The following PRKN variants were observed in gnomAD, a reference collection of about 807,000 sequenced individuals.
PRKN encodes the protein E3 ubiquitin-protein ligase parkin.
In PRKN, 56 loss-of-function variants were observed where a neutral mutation model predicts 59.5. The observed-to-expected ratio is 0.94, with a 90% CI of 0.76 to 1.18. The LOEUF (loss-of-function observed/expected upper bound fraction) is 1.18. Ranked by LOEUF, PRKN falls within the 50% of genes most tolerant of loss-of-function variation. PRKN has a pLI of 0.00. For missense variants in PRKN, 657 were observed against 596.4 expected (o/e 1.10, Z -1.06); for synonymous variants, 250 against 222.1 (o/e 1.13, Z -1.12).
chr6:162,320,763 T>C (rs1182767063), intron 2 of PRKN, among the ~76,000 whole-genome samples: 1 of 151,552 alleles, frequency 6.6e-6, no homozygotes, highest in Non-Finnish European at 1.5e-5. Context: ...TTATGAAATA[T>C]TGAAAAAATG....
intron 3 of PRKN, among the ~76,000 whole-genome samples, chr6:162,226,538 TTG>T (rs1023777269): frequency 1.3e-5 from 2 of 152,016 alleles, no homozygotes; most frequent in African/African-American, 4.8e-5. Flanking sequence ...TTTTGTTTGT[TTG>T]TTTGTTTGTT....
At position 161,502,866 on chromosome 6, in the gene PRKN, C is replaced by A. The variant is rs1778013150; in HGVS notation, c.1083+45988G>T. ...GCTCTGGATTAAAAACCTGACTCCA[C>A]AGCTTAGTAGGTGCGTAACCCTGGG... On this transcript the variant is annotated intron_variant, in intron 9 of 11. Coordinates refer to ENST00000366898, the MANE Select transcript of PRKN (RefSeq NM_004562.3). This position sits in a 1 kb window ranked among gnomAD's most constrained non-coding sequence, Gnocchi z 4.0. Among the ~76,000 whole-genome samples the A allele has an allele frequency of 6.6e-6, 1 of 152,156 alleles. No individual in the cohort carries two copies. The highest frequency in any genetic ancestry group is 2.1e-4 in the South Asian group (1 of 4,820).
intron 7 of PRKN, among the ~76,000 whole-genome samples, chr6:161,634,482 T>A (rs754982963): frequency 6.6e-6 from 1 of 152,228 alleles, no homozygotes; most frequent in South Asian, 2.1e-4. Context: ...GCTAAGCAAC[T>A]TGCTGCAGGT....
At chr6:162,099,806 A>G (rs1052703208) in intron 4 of PRKN, among the ~76,000 whole-genome samples, 7 of 152,218 alleles carry the variant, frequency 4.6e-5, no homozygotes, top group Non-Finnish European at 4.4e-5. Flanking sequence ...GTGATTTTCA[A>G]GAATGTAATA....
chr6:161,591,794 TA>T (rs1357948814), intron 7 of PRKN, among the ~76,000 whole-genome samples: 1 of 152,248 alleles, frequency 6.6e-6, no homozygotes, highest in Non-Finnish European at 1.5e-5. Flanking sequence ...TAAGATATTC[TA>T]ATGGAGAACA....
intron 9 of PRKN, among the ~76,000 whole-genome samples, chr6:161,540,052 G>A (rs1056862188): frequency 6.6e-6 from 1 of 152,114 alleles, no homozygotes; most frequent in African/African-American, 2.4e-5. Flanking sequence ...GGGGGTTGGG[G>A]AGATGCAAGC....
At chr6:161,988,303 GT>G in intron 5 of PRKN, among the ~76,000 whole-genome samples, 1 of 152,024 alleles carries the variant, frequency 6.6e-6, no homozygotes, top group East Asian at 1.9e-4. Context: ...CCTGGCCAAC[GT>G]GGTGAAAACC....
chr6:161,905,928 TA>T (rs750946937), intron 6 of PRKN, among the ~76,000 whole-genome samples: 1,550 of 104,996 alleles, frequency 0.015, 12 homozygotes, highest in Middle Eastern at 0.055. Context: ...CCACTGCATC[TA>T]AAAAAAAAAA....
chr6:162,627,986 C>A (rs1782962212), intron 1 of PRKN, among the ~76,000 whole-genome samples: 1 of 151,996 alleles, frequency 6.6e-6, no homozygotes, highest in African/African-American at 2.4e-5. Flanking sequence ...GTGATAGAGC[C>A]AATGAACATG....
chr6:161,579,204 G>A lies in PRKN; in HGVS notation c.872-9788C>T, dbSNP rs1781246962. Among the ~76,000 whole-genome samples the A allele has an allele frequency of 6.6e-6, 1 of 152,204 alleles. No individual in the cohort carries two copies. Among genetic ancestry groups the A allele is most frequent in the African/African-American group, 2.4e-5 (1 of 41,446 alleles). On this transcript the variant is annotated intron_variant, in intron 7 of 11. Transcript: ENST00000366898. This position sits in a 1 kb window ranked among gnomAD's most constrained non-coding sequence, Gnocchi z 4.2. ...ATATGTTTTTCCACAGATTATGGTGGTTGGTTGGTTACCTGAGTGAAAATG... is the reference window on the plus strand; with the variant it reads ...ATATGTTTTTCCACAGATTATGGTGATTGGTTGGTTACCTGAGTGAAAATG...
intron 4 of PRKN, among the ~76,000 whole-genome samples, chr6:162,122,049 C>T (rs1780936605): frequency 6.6e-6 from 1 of 152,164 alleles, no homozygotes; most frequent in Admixed American, 6.5e-5. Context: ...ATCCTCAAAA[C>T]TGAGTCTCCA....
At chr6:161,841,415 T>C (rs1310076787) in intron 6 of PRKN, among the ~76,000 whole-genome samples, 3 of 151,670 alleles carry the variant, frequency 2.0e-5, no homozygotes, top group Non-Finnish European at 4.4e-5. Context: ...ACTGGCGTAA[T>C]CTCTGCTCAC....
chr6:161,741,531 G>A (rs555858865), intron 7 of PRKN, among the ~76,000 whole-genome samples: 52 of 152,242 alleles, frequency 3.4e-4, no homozygotes, highest in African/African-American at 1.1e-3. Context: ...GGGGGCCTCT[G>A]TCTTTCCAGA....
Position 161,444,894 on chromosome 6 carries a change from ATAGT to A in PRKN, c.1084-58021_1084-58018del, listed in dbSNP as rs1467359960. ...TATTCCTGTTTTGCTAAGGTATGTA[ATAGT>A]TATTTATTTTTAAAAAAAGCCAGTA... On this transcript the variant is annotated intron_variant, in intron 9 of 11. Coordinates refer to ENST00000366898, the MANE Select transcript of PRKN (RefSeq NM_004562.3). The surrounding 1 kb of genome is among the most constrained non-coding windows in gnomAD (Gnocchi z 5.6). Among the ~76,000 whole-genome samples, 8 of 151,990 alleles carry A rather than the reference ATAGT, an allele frequency of 5.3e-5. No homozygotes were observed. Among genetic ancestry groups the A allele is most frequent in the Non-Finnish European group, 1.5e-5 (1 of 68,020 alleles).
chr6:162,430,173 CGAT>C (rs147505180), intron 2 of PRKN, among the ~76,000 whole-genome samples: 21 of 150,974 alleles, frequency 1.4e-4, no homozygotes, highest in South Asian at 6.3e-4. Context: ...ACGACGACGA[CGAT>C]GATGATGATG....
chr6:162,229,762 A>C (rs1343474486), intron 3 of PRKN, among the ~76,000 whole-genome samples: 1 of 152,252 alleles, frequency 6.6e-6, no homozygotes, highest in East Asian at 1.9e-4. Context: ...CACTCGACTT[A>C]GAGAAGCCTT....
At position 161,378,941 on chromosome 6, in the gene PRKN, T is replaced by C. The variant is rs988428976; in HGVS notation, c.1167+7853A>G. ...CATCTGTGCAACCTGGCCTTGCATA[T>C]ATAGGGGCCCTGGCTTCCAGCAAGA... On this transcript the variant is annotated intron_variant, in intron 10 of 11. Transcript: ENST00000366898. The surrounding 1 kb of genome is among the most constrained non-coding windows in gnomAD (Gnocchi z 7.3). 1.3e-5 allele frequency among the ~76,000 whole-genome samples: 2 copies of C among 152,090 alleles called. No individual in the cohort carries two copies. Among genetic ancestry groups the C allele is most frequent in the African/African-American group, 4.8e-5 (2 of 41,414 alleles).
At chr6:162,570,427 A>T (rs2128208528) in intron 1 of PRKN, among the ~76,000 whole-genome samples, 1 of 152,354 alleles carries the variant, frequency 6.6e-6, no homozygotes, top group Non-Finnish European at 1.5e-5. Flanking sequence ...AAAAACTAAA[A>T]ATTAAGCTAC....
At chr6:161,586,320 C>A (rs1446732621) in intron 7 of PRKN, among the ~76,000 whole-genome samples, 1 of 152,172 alleles carries the variant, frequency 6.6e-6, no homozygotes, top group Non-Finnish European at 1.5e-5. Context: ...GCTCAACCTG[C>A]ACCTTTGGTT....
Sources: allele counts gnomAD v4.1 joint callset (sites outside exome capture counted in the v4.1 genomes callset), GRCh38; gene constraint gnomAD v4.1.1; non-coding constraint Gnocchi (gnomAD v3.1); transcripts MANE v1.5; gene names NCBI Gene and HGNC (gene_info 2026-07-23, HGNC 2026-07-21).